The following CALN1 variants were observed in gnomAD, a reference collection of about 807,000 sequenced individuals.
CALN1 encodes the protein calcium-binding protein 8.
Under a neutral mutation model 30.6 loss-of-function variants are expected in CALN1, and 17 were observed. The observed-to-expected ratio is 0.56, with a 90% confidence interval of 0.38 to 0.83. The LOEUF (loss-of-function observed/expected upper bound fraction) is 0.83. Ranked by LOEUF, CALN1 falls within the 40% of genes least tolerant of loss-of-function variation. The probability of loss-of-function intolerance (pLI) is 0.00; values close to 1 mark genes in which losing one functional copy is unlikely to be tolerated. For synonymous variants in CALN1, 156 were observed against 131.4 expected, an observed-to-expected ratio of 1.19 and a Z score of -1.28; for missense variants, 291 against 354.9, an observed-to-expected ratio of 0.82 and a Z score of 1.45.
chr7:72,388,051 T>A (rs949230407), intron 2 of CALN1, among the ~76,000 whole-genome samples: 10 of 152,148 alleles, frequency 6.6e-5, no homozygotes, highest in African/African-American at 2.4e-4. Flanking sequence ...GGTTTTGCCA[T>A]TGACTTTTAA....
At chr7:72,199,494 C>A (rs756038140) in intron 3 of CALN1, among the ~76,000 whole-genome samples, 7 of 152,060 alleles carry the variant, frequency 4.6e-5, no homozygotes, top group Non-Finnish European at 7.4e-5. Flanking sequence ...TTGCTCGAGA[C>A]CAGGAGTTCG....
At chr7:72,154,726 G>A (rs193263775) in intron 3 of CALN1, among the ~76,000 whole-genome samples, 3 of 152,188 alleles carry the variant, frequency 2.0e-5, no homozygotes, top group Admixed American at 1.3e-4. Flanking sequence ...GGCTTAATCC[G>A]ATAAGGCTGG....
Position 72,368,233 on chromosome 7 carries a change from T to C in CALN1, c.119+35018A>G, listed in dbSNP as rs574692215. 7.3e-5 allele frequency among the ~76,000 whole-genome samples: 11 copies of C among 150,930 alleles called. No homozygotes were observed. The South Asian group carries it at 2.3e-3, about 32-fold the overall frequency. ...TATATATCTATGTGCGTGATATATA[T>C]ATCTAGGATGCTAGTAATGTTCTGT... On this transcript the variant is annotated intron_variant, in intron 2 of 6. Coordinates refer to ENST00000395275, the MANE Select transcript of CALN1 (RefSeq NM_031468.4).
intron 5 of CALN1, among the ~76,000 whole-genome samples, chr7:72,017,959 A>G (rs1325113752): frequency 1.3e-5 from 2 of 151,922 alleles, no homozygotes; most frequent in African/African-American, 4.8e-5. Flanking sequence ...AAAGAGGTTA[A>G]CAGAAGTGTT....
rs571097992 is a variant in CALN1, at chr7:71,956,151, C to G, written c.501+67506G>C. On this transcript the variant is annotated intron_variant, in intron 5 of 6. Coordinates refer to ENST00000395275, the MANE Select transcript of CALN1 (RefSeq NM_031468.4). ...TACAGACATGTGCCACCATGTCCAGCTAATTTTTGTATTTTTAGTAGAGAC... is the reference window on the plus strand; with the variant it reads ...TACAGACATGTGCCACCATGTCCAGGTAATTTTTGTATTTTTAGTAGAGAC... Among the ~76,000 whole-genome samples, 3 of 152,176 alleles carry G rather than the reference C, an allele frequency of 2.0e-5. No homozygotes were observed. The East Asian group carries it at 5.8e-4, about 29-fold the overall frequency.
chr7:72,502,084 A>G, the CALN1 span, among the ~76,000 whole-genome samples: 1 of 148,748 alleles, frequency 6.7e-6, no homozygotes, highest in Non-Finnish European at 1.5e-5. Context: ...TGCCAGTGCT[A>G]AGGGCCTCAA....
intron 5 of CALN1, among the ~76,000 whole-genome samples, chr7:71,849,488 GA>G (rs1790516129): frequency 6.9e-6 from 1 of 144,938 alleles, no homozygotes; most frequent in South Asian, 2.2e-4. Flanking sequence ...GCGATTCCAT[GA>G]GAATCTTGTT....
intron 5 of CALN1, among the ~76,000 whole-genome samples, chr7:71,832,767 A>ATTT (rs140779066): frequency 1.5e-5 from 2 of 137,854 alleles, no homozygotes; most frequent in Non-Finnish European, 3.2e-5. Context: ...CGCCAGGCTA[A>ATTT]TTTTTTTTTT....
chr7:72,415,737 A>G (rs1210426027), upstream of CALN1, among the ~76,000 whole-genome samples: 1 of 152,184 alleles, frequency 6.6e-6, no homozygotes, highest in Non-Finnish European at 1.5e-5. Flanking sequence ...CTGAGCGGTG[A>G]CTAAGACAGC....
At chr7:71,893,559 C>T (rs751500888) in intron 5 of CALN1, among the ~76,000 whole-genome samples, 15 of 152,006 alleles carry the variant, frequency 9.9e-5, no homozygotes, top group Middle Eastern at 3.4e-3. Context: ...GGTGTGGTGG[C>T]GTGCACATGT....
At chr7:72,359,165 G>A (rs1803411323) in intron 2 of CALN1, among the ~76,000 whole-genome samples, 1 of 152,020 alleles carries the variant, frequency 6.6e-6, no homozygotes, top group South Asian at 2.1e-4. Flanking sequence ...CTTTATCTGT[G>A]GATTTTACTT....
intron 3 of CALN1, among the ~76,000 whole-genome samples, chr7:72,269,501 G>C (rs1337811576): frequency 6.6e-6 from 1 of 152,070 alleles, no homozygotes; most frequent in Non-Finnish European, 1.5e-5. Flanking sequence ...GCTGCTATGA[G>C]GTTGAGAACA....
chr7:71,818,929 C>T lies in CALN1; in HGVS notation c.502-8437G>A, dbSNP rs565907090. Among the ~76,000 whole-genome samples, 556 of 151,958 alleles carry T rather than the reference C, an allele frequency of 3.7e-3. 4 individuals carry two copies. Among genetic ancestry groups the T allele is most frequent in the African/African-American group, 0.012 (516 of 41,490 alleles). On this transcript the variant is annotated intron_variant, in intron 5 of 6. Transcript: ENST00000395275. ...TTCACCATATTGGCCAGGCTGGTCT[C>T]GAACTCCTGACCTCGTGATCTGCCC... is the stretch of plus-strand genomic sequence containing the variant.
At chr7:72,395,194 T>G (rs1270995153) in intron 2 of CALN1, among the ~76,000 whole-genome samples, 3 of 152,198 alleles carry the variant, frequency 2.0e-5, no homozygotes, top group African/African-American at 7.2e-5. Context: ...CAATGGCACT[T>G]GAATAAATAA....
At chr7:71,934,712 G>C (rs1239083139) in intron 5 of CALN1, among the ~76,000 whole-genome samples, 1 of 151,954 alleles carries the variant, frequency 6.6e-6, no homozygotes, top group Non-Finnish European at 1.5e-5. Flanking sequence ...GGTTGTATTA[G>C]TCTGTTCTCA....
chr7:71,868,496 T>G (rs904610021), intron 5 of CALN1, among the ~76,000 whole-genome samples: 8 of 151,558 alleles, frequency 5.3e-5, no homozygotes. Context: ...CTCTGCCTCC[T>G]AAGTAGCTAG....
chr7:71,879,789 G>A (rs763553990), intron 5 of CALN1, among the ~76,000 whole-genome samples: 14 of 152,170 alleles, frequency 9.2e-5, no homozygotes, highest in Non-Finnish European at 1.9e-4. Context: ...TGATGCTTAC[G>A]TGCCTCACAG....
At chr7:71,884,240 G>A (rs1792761764) in intron 5 of CALN1, among the ~76,000 whole-genome samples, 1 of 152,084 alleles carries the variant, frequency 6.6e-6, no homozygotes, top group South Asian at 2.1e-4. Flanking sequence ...TAGCCTCTCA[G>A]CTTCCTGGGA....
At chr7:72,442,545 G>T (rs921325396) in intron 1 of CALN1, among the ~76,000 whole-genome samples, 1 of 148,382 alleles carries the variant, frequency 6.7e-6, no homozygotes, top group Non-Finnish European at 1.5e-5. Flanking sequence ...GCTTATTTAG[G>T]ATTGGACTTT....
Sources: gnomAD v4.1 joint callset for allele counts (sites outside exome capture counted in the v4.1 genomes callset) on GRCh38, gnomAD v4.1.1 for gene constraint, MANE v1.5 for transcripts, NCBI Gene and HGNC (gene_info 2026-07-23, HGNC 2026-07-21) for gene names.